Variants in HYCC1 observed in about 807,000 individuals in gnomAD.
HYCC1 encodes the protein hyccin PI4KA lipid kinase complex subunit 1.
At chr7:22,929,677 A>C in the HYCC1 span, among the ~76,000 whole-genome samples, 1 of 152,250 alleles carries the variant, frequency 6.6e-6, no homozygotes, top group African/African-American at 2.4e-5. Context: ...GGTGATCATT[A>C]AAAAGTCAGG....
chr7:23,004,737 T>C, the HYCC1 span, among the ~76,000 whole-genome samples: 1 of 152,126 alleles, frequency 6.6e-6, no homozygotes, highest in South Asian at 2.1e-4. Flanking sequence ...TATAAAAACA[T>C]TTTAAATAAA....
chr7:22,976,341 A>G, the HYCC1 span: 26 of 1,465,178 alleles, frequency 1.8e-5, no homozygotes, highest in Admixed American at 1.7e-5. Flanking sequence ...ACAAATCTTT[A>G]GAATTCTAAG....
the HYCC1 span, among the ~76,000 whole-genome samples, chr7:22,926,788 A>C: frequency 6.6e-6 from 1 of 151,498 alleles, no homozygotes; most frequent in Non-Finnish European, 1.5e-5. Flanking sequence ...ACAGAAAGTC[A>C]ACAAGGATAT....
the HYCC1 span, chr7:22,945,390 T>C: frequency 2.0e-5 from 12 of 591,408 alleles, no homozygotes; most frequent in East Asian, 3.3e-4. Flanking sequence ...GAAAAAATCT[T>C]AATCAAGAAA....
chr7:22,911,650 C>T, the HYCC1 span, among the ~76,000 whole-genome samples: 1 of 152,162 alleles, frequency 6.6e-6, no homozygotes, highest in African/African-American at 2.4e-5. Context: ...CCCAGCTACT[C>T]AGGAGGCTGA....
At chr7:22,958,855 G>A in the HYCC1 span, among the ~76,000 whole-genome samples, 455 of 152,190 alleles carry the variant, frequency 3.0e-3, 2 homozygotes, top group African/African-American at 9.9e-3. Flanking sequence ...TAGCAAGAAG[G>A]AAAGTGGAAA....
chr7:23,004,637 T>A, the HYCC1 span, among the ~76,000 whole-genome samples: 1 of 149,670 alleles, frequency 6.7e-6, no homozygotes, highest in South Asian at 2.1e-4. Flanking sequence ...TTATCATGGG[T>A]AAAAAAAAAA....
At chr7:22,922,000 T>C in the HYCC1 span, among the ~76,000 whole-genome samples, 1 of 152,232 alleles carries the variant, frequency 6.6e-6, no homozygotes, top group African/African-American at 2.4e-5. Flanking sequence ...AATCATTAAA[T>C]GAGTTTGAAA....
the HYCC1 span, chr7:22,943,098 T>C: frequency 5.3e-5 from 8 of 152,276 alleles, no homozygotes; most frequent in African/African-American, 1.9e-4. Context: ...ATTTCAGGCA[T>C]TTACAGCTCT....
At chr7:22,977,416 T>C in the HYCC1 span, 1 of 1,557,140 alleles carries the variant, frequency 6.4e-7, no homozygotes, top group South Asian at 1.1e-5. Flanking sequence ...GTTTGTCAAC[T>C]ATTTCCTATA....
chr7:22,983,040 G>C, the HYCC1 span, among the ~76,000 whole-genome samples: 1 of 151,950 alleles, frequency 6.6e-6, no homozygotes, highest in South Asian at 2.1e-4. Context: ...AAACTAAATG[G>C]GCAGCTAGTG....
At chr7:23,004,413 A>C in the HYCC1 span, among the ~76,000 whole-genome samples, 4 of 152,324 alleles carry the variant, frequency 2.6e-5, no homozygotes, top group South Asian at 4.1e-4. Flanking sequence ...AATTCTTTGG[A>C]GCTCTATAAT....
At chr7:22,947,394 T>C in the HYCC1 span, 1 of 636,140 alleles carries the variant, frequency 1.6e-6, no homozygotes, top group Non-Finnish European at 2.7e-6. Flanking sequence ...TTCCATAATT[T>C]ATAATACTCT....
the HYCC1 span, among the ~76,000 whole-genome samples, chr7:22,900,718 G>C: frequency 6.6e-6 from 1 of 151,710 alleles, no homozygotes; most frequent in South Asian, 2.1e-4. Flanking sequence ...AAAAATGAAG[G>C]GTACAGATGA....
At chr7:22,919,439 G>T in the HYCC1 span, among the ~76,000 whole-genome samples, 1 of 152,076 alleles carries the variant, frequency 6.6e-6, no homozygotes, top group Non-Finnish European at 1.5e-5. Flanking sequence ...TGAGGCAGAA[G>T]AATCACTTGA....
At chr7:22,977,028 T>C in the HYCC1 span, among the ~76,000 whole-genome samples, 52,522 of 149,962 alleles carry the variant, frequency 0.35, 9,365 homozygotes, top group East Asian at 0.47. Flanking sequence ...AATTCTACCA[T>C]GGAAATACAC....
chr7:23,013,749 C>T, the HYCC1 span, among the ~76,000 whole-genome samples: 1 of 151,712 alleles, frequency 6.6e-6, no homozygotes, highest in Non-Finnish European at 1.5e-5. Context: ...CGCCGCCTCG[C>T]ACCCACCCAT....
chr7:22,901,270 A>G, the HYCC1 span, among the ~76,000 whole-genome samples: 3 of 151,022 alleles, frequency 2.0e-5, no homozygotes, highest in Non-Finnish European at 1.5e-5. Context: ...TACACCAATA[A>G]TTCTTTTTAA....
the HYCC1 span, chr7:22,978,344 G>A: frequency 6.2e-7 from 1 of 1,614,040 alleles, no homozygotes; most frequent in Admixed American, 1.7e-5. Flanking sequence ...AGACTGCAAG[G>A]TAGCACCAAA....
Sources: gnomAD v4.1 joint callset for allele counts (sites outside exome capture counted in the v4.1 genomes callset) on GRCh38, gnomAD v4.1.1 for gene constraint, MANE v1.5 for transcripts, NCBI Gene and HGNC (gene_info 2026-07-23, HGNC 2026-07-21) for gene names.